CCDC22: variants seen among roughly 807,000 people sequenced by gnomAD.
The protein encoded by CCDC22 is coiled-coil domain-containing protein 22.
In CCDC22, 4 loss-of-function variants were observed where a neutral mutation model predicts 53.1. The ratio of observed to expected loss-of-function variants is 0.08; its 90% CI spans 0.04 to 0.17. The LOEUF is 0.17. Among genes scored for constraint, CCDC22 ranks in the 10% least tolerant of loss-of-function variants. CCDC22 has a pLI of 1.00. For synonymous variants in CCDC22, 222 were observed against 224.4 expected (o/e 0.99, Z 0.10); for missense variants, 458 against 554.0 (o/e 0.83, Z 1.74).
chrX:49,235,851 A>ACACACACGCACACACG (rs781867666), intron 1 of CCDC22, among the ~76,000 whole-genome samples, 165 bp downstream of exon 1: 1 of 100,427 alleles, frequency 1.0e-5, no homozygotes, highest in African/African-American at 3.6e-5. Flanking sequence ...ACACACACAC[A>ACACACACGCACACACG]CACACACACA....
At chrX:49,246,207 G>A (rs1395565585) in intron 6 of CCDC22, among the ~76,000 whole-genome samples, 2 of 111,584 alleles carry the variant, frequency 1.8e-5, no homozygotes, top group Non-Finnish European at 3.8e-5. Context: ...CCTGACCTCA[G>A]GTGATCTACC....
intron 16 of CCDC22, 100 bp downstream of exon 16, chrX:49,249,825 G>A (rs1030642683): frequency 1.3e-6 from 1 of 742,902 alleles, no homozygotes; most frequent in Non-Finnish European, 2.0e-6. Flanking sequence ...GCCGATGGCT[G>A]GACACCCAGC....
At chrX:49,238,522 C>T (rs1371808338) in intron 2 of CCDC22, among the ~76,000 whole-genome samples, 1 of 112,877 alleles carries the variant, frequency 8.9e-6, no homozygotes, top group Admixed American at 9.3e-5. Flanking sequence ...ACCACATATC[C>T]TGCCTCTGCT....
chrX:49,250,291 C>A lies in CCDC22; in HGVS notation c.*30C>A. The A allele has an allele frequency of 2.3e-6, 2 of 857,439 alleles. No homozygotes were observed. The highest frequency in any genetic ancestry group is 3.4e-6 in the Non-Finnish European group (2 of 590,776). 70.7% of individuals were successfully genotyped at this position (857,439 alleles called of 1,213,427 possible). ...CCGCCGGCAGAGGTCTCTCCCCAGC[C>A]TCAGGCAGGGATTTGGGGTGCTGGA... On this transcript the variant is annotated 3_prime_UTR_variant, in exon 17 of 17. Coordinates refer to ENST00000376227, the MANE Select transcript of CCDC22 (RefSeq NM_014008.5).
intron 6 of CCDC22, among the ~76,000 whole-genome samples, chrX:49,245,353 T>C (rs2065984194): frequency 1.8e-5 from 2 of 111,848 alleles, no homozygotes; most frequent in Admixed American, 9.6e-5. Context: ...TCTGTGTCTT[T>C]TTACATTTTT....
intron 1 of CCDC22, among the ~76,000 whole-genome samples, 165 bp downstream of exon 1, chrX:49,235,851 A>ACG (rs111980671): frequency 3.1e-4 from 31 of 100,462 alleles, no homozygotes; most frequent in South Asian, 1.5e-3. Flanking sequence ...ACACACACAC[A>ACG]CACACACACA....
intron 6 of CCDC22, 151 bp downstream of exon 6, chrX:49,243,613 A>T: frequency 2.1e-6 from 1 of 479,044 alleles, no homozygotes; most frequent in East Asian, 3.8e-5. Context: ...AGAACACTGG[A>T]GTCAGAAAAA....
chrX:49,249,763 C>T (rs200302150), intron 16 of CCDC22, 38 bp downstream of exon 16: 95 of 1,079,316 alleles, frequency 8.8e-5, no homozygotes, highest in Non-Finnish European at 1.2e-4. Flanking sequence ...CAAGGCGGGC[C>T]GGGGGGACAG....
chrX:49,249,203 A>G lies in CCDC22; in HGVS notation c.1576A>G (p.Asn526Asp), dbSNP rs1213314228. The change falls in exon 14 of 17, where the codon AAC (asparagine) becomes GAC (aspartate). Residue 526 changes from asparagine (N) to aspartate (D), a missense_variant. Asn to Asp is a conservative substitution (Grantham distance 23). This residue lies in a region of CCDC22 where 48 missense variants were observed against 83.4 expected (regional missense o/e 0.58). Transcript: ENST00000376227. The stretch of plus-strand genomic sequence containing the variant: ...TACGAAGGAGCTTCAGAAGGAAATC[A>G]ACTCCCTATCTGGGAAGCTGGACCG... ...SDTKELQKEI[N>D]SLSGKLDRTF... 1 of 1,209,575 alleles carries G rather than the reference A, an allele frequency of 8.3e-7. No homozygotes were observed. Among genetic ancestry groups the G allele is most frequent in the African/African-American group, 1.7e-5 (1 of 57,301 alleles).
At chrX:49,249,602 T>TGGGGG in intron 15 of CCDC22, 34 bp downstream of exon 15, 1 of 93,604 alleles carries the variant, frequency 1.1e-5, no homozygotes, top group Admixed American at 1.2e-4. Context: ...GTGGGGCTGC[T>TGGGGG]GGGGGTGGGT....
chrX:49,242,514 G>A (rs370522285), intron 3 of CCDC22, among the ~76,000 whole-genome samples: 196 of 111,149 alleles, frequency 1.8e-3, no homozygotes, highest in African/African-American at 6.1e-3. Flanking sequence ...TTTCCCCTAG[G>A]TACCCTCATG....
rs781964488 is a variant in CCDC22, at chrX:49,243,354, G to T, written c.606G>T (p.Arg202Ser). 1.8e-5 allele frequency: 22 copies of T among 1,203,126 alleles called. No homozygotes were observed. The highest frequency in any genetic ancestry group is 2.1e-5 in the Non-Finnish European group (19 of 891,467). ...VPTQVPQPVG[R>S]VASLLEHHAL... Reference sequence around the variant, plus strand: ...CCCAGGTGCCTCAGCCTGTTGGAAGGGTGGCCTCGCTCCTCGAACACCATG... The same window carrying T: ...CCCAGGTGCCTCAGCCTGTTGGAAGTGTGGCCTCGCTCCTCGAACACCATG... Residue 202 changes from arginine (R) to serine (S), a missense_variant, in exon 6 of 17, where the codon AGG (arginine) becomes AGT (serine). Arg to Ser is a moderately radical substitution (Grantham distance 110, BLOSUM62 -1). Transcript: ENST00000376227.
Position 49,238,075 on chromosome X carries a change from CT to C in CCDC22, c.228+828del, listed in dbSNP as rs58787414. Among the ~76,000 whole-genome samples, 416 of 84,323 alleles carry C rather than the reference CT, an allele frequency of 4.9e-3. 4 individuals carry two copies. The highest frequency in any genetic ancestry group is 0.011 in the African/African-American group (246 of 21,880). 73.2% of individuals were successfully genotyped at this position (84,323 alleles called of 115,157 possible). ...GCCCAGCCTTTTCTTTTCTTTTTTTCTTTTTTTTTTTTTTTTGATGTGAAGT... is the reference window on the plus strand; with the variant it reads ...GCCCAGCCTTTTCTTTTCTTTTTTTCTTTTTTTTTTTTTTTGATGTGAAGT... On this transcript the variant is annotated intron_variant, in intron 2 of 16. Transcript: ENST00000376227.
intron 7 of CCDC22, chrX:49,247,227 C>T: frequency 2.3e-6 from 1 of 439,552 alleles, no homozygotes; most frequent in Non-Finnish European, 4.0e-6. Flanking sequence ...TCTGAGGGCC[C>T]CCCATCCTTC....
At position 49,250,279 on chromosome X, in the gene CCDC22, T is replaced by C; in HGVS notation, c.*18T>C. The C allele has an allele frequency of 2.1e-6, 2 of 932,795 alleles. No individual in the cohort carries two copies. Among genetic ancestry groups the C allele is most frequent in the Non-Finnish European group, 3.0e-6 (2 of 659,907 alleles). 76.9% of individuals were successfully genotyped at this position (932,795 alleles called of 1,213,427 possible). A position where few individuals can be genotyped will look rare whatever the true frequency, so the allele number is the denominator to read the frequency against. On this transcript the variant is annotated 3_prime_UTR_variant, in exon 17 of 17. Coordinates refer to ENST00000376227, the MANE Select transcript of CCDC22 (RefSeq NM_014008.5). The stretch of plus-strand genomic sequence containing the variant: ...AGGCCTGAGGAGCCGCCGGCAGAGG[T>C]CTCTCCCCAGCCTCAGGCAGGGATT...
intron 13 of CCDC22, 114 bp downstream of exon 13, chrX:49,249,038 A>G: frequency 8.9e-7 from 1 of 1,125,573 alleles, no homozygotes; most frequent in South Asian, 2.0e-5. Context: ...AACACAGAAT[A>G]GTCACACACA....
chrX:49,241,838 T>C (rs2065965163), intron 2 of CCDC22, among the ~76,000 whole-genome samples, 178 bp from the exon 3 acceptor site: 3 of 112,003 alleles, frequency 2.7e-5, no homozygotes, highest in African/African-American at 9.7e-5. Flanking sequence ...TCTTGTTCTC[T>C]GTAGCGTTGA....
intron 2 of CCDC22, among the ~76,000 whole-genome samples, chrX:49,237,664 T>C: frequency 9.1e-6 from 1 of 110,388 alleles, no homozygotes; most frequent in Non-Finnish European, 1.9e-5. Context: ...ATAGTATCCA[T>C]TTCCTAGTTC....
At chrX:49,244,592 G>A (rs371711421) in intron 6 of CCDC22, among the ~76,000 whole-genome samples, 243 of 108,434 alleles carry the variant, frequency 2.2e-3, no homozygotes, top group African/African-American at 7.8e-3. Context: ...ACGGTGTCTC[G>A]CTCTGTCACC....
Sources: allele counts gnomAD v4.1 joint callset (sites outside exome capture counted in the v4.1 genomes callset), GRCh38; gene constraint gnomAD v4.1.1; regional missense constraint gnomAD v4.1.1; transcripts MANE v1.5; gene names NCBI Gene and HGNC (gene_info 2026-07-23, HGNC 2026-07-21).